The following NLGN4X variants were observed in gnomAD, a reference collection of about 807,000 sequenced individuals.
NLGN4X encodes the protein neuroligin-4, X-linked.
A neutral mutation model predicts 40.3 loss-of-function variants in NLGN4X; 3 were observed. The ratio of observed to expected loss-of-function variants is 0.07; its 90% CI spans 0.03 to 0.19. The LOEUF (loss-of-function observed/expected upper bound fraction) is 0.19, where lower values mean the gene tolerates loss of function less well. Among genes scored for constraint, NLGN4X ranks in the 10% least tolerant of loss-of-function variants. NLGN4X has a pLI of 1.00. For synonymous variants in NLGN4X, 270 were observed against 306.8 expected (o/e 0.88, Z 1.25); for missense variants, 382 against 708.3 (o/e 0.54, Z 5.23).
In NLGN4X at chrX:5,954,634, GTCTCTC is replaced by G. The variant is rs200878268; in HGVS notation, c.626-45401_626-45396del. ...TCTGTCTCTGTCTCTCTCTGTCTCT[GTCTCTC>G]TCTCTCTCTCTCTCTCTCTCTCTCT... is the stretch of plus-strand genomic sequence containing the variant. On this transcript the variant is annotated intron_variant, in intron 3 of 5. Coordinates refer to ENST00000381095, the MANE Select transcript of NLGN4X (RefSeq NM_181332.3). Among the ~76,000 whole-genome samples, 217 of 94,884 alleles carry G rather than the reference GTCTCTC, an allele frequency of 2.3e-3. 2 individuals carry two copies. The highest frequency in any genetic ancestry group is 0.013 in the East Asian group (37 of 2,926). 82.4% of individuals were successfully genotyped at this position (94,884 alleles called of 115,157 possible).
At chrX:6,054,180 T>G (rs1424822000) in intron 2 of NLGN4X, among the ~76,000 whole-genome samples, 1 of 111,195 alleles carries the variant, frequency 9.0e-6, no homozygotes, top group Non-Finnish European at 1.9e-5. Flanking sequence ...ATTGACATAT[T>G]CATTGCAGGA....
chrX:5,986,974 A>G (rs1242604655), intron 3 of NLGN4X, among the ~76,000 whole-genome samples: 1 of 112,282 alleles, frequency 8.9e-6, no homozygotes, highest in Non-Finnish European at 1.9e-5. Flanking sequence ...CCATAATGGT[A>G]TATGTCTCAG....
chrX:5,903,716 T>C lies in NLGN4X; in HGVS notation c.962A>G (p.Lys321Arg), dbSNP rs200094774. ...TTDMVECLRN[K>R]NYKELIQQTI... ...CTGCTGGATGAGCTCCTTGTAGTTC[T>C]TGTTCCGCAGGCATTCTACCATGTC... is the stretch of plus-strand genomic sequence containing the variant. Residue 321 changes from lysine to arginine, a missense_variant, in exon 5 of 6, where the codon AAG becomes AGG. Physicochemically the swap from Lys to Arg is conservative, Grantham distance 26. Transcript: ENST00000381095. The C allele has an allele frequency of 4.8e-5, 58 of 1,209,993 alleles. No individual in the cohort carries two copies. The highest frequency in any genetic ancestry group is 6.5e-5 in the Non-Finnish European group (58 of 895,277).
intron 2 of NLGN4X, among the ~76,000 whole-genome samples, chrX:6,062,924 C>T (rs1287984056): frequency 2.7e-5 from 3 of 110,904 alleles, no homozygotes; most frequent in Non-Finnish European, 5.7e-5. Flanking sequence ...CAGACTAATA[C>T]ACTGCTCTGC....
rs573477589 is a variant in NLGN4X at position 5,980,779 on chromosome X, C to T, written c.625+48501G>A. ...GTTTTACATCTTTATGTCAATAATA[C>T]GCTGTTTCAATTAATATAGCTCTAT... On this transcript the variant is annotated intron_variant, in intron 3 of 5. Coordinates refer to ENST00000381095, the MANE Select transcript of NLGN4X (RefSeq NM_181332.3). Among the ~76,000 whole-genome samples, 8 of 110,670 alleles carry T rather than the reference C, an allele frequency of 7.2e-5. No individual in the cohort carries two copies. In the South Asian group the frequency reaches 1.1e-3, roughly 16 times the overall value.
Position 5,892,997 on chromosome X carries a change from C to G in NLGN4X, c.2271G>C (p.Pro757=). ...QAHDTLRLTC[P]PDYTLTLRRS... ...GGCGCAGCGTGAGGGTGTAGTCTGG[C>G]GGGCAGGTGAGCCTCAGTGTGTCGT... Residue 757 remains proline (P), a synonymous_variant, in exon 6 of 6, where the codon CCG becomes CCC. Transcript: ENST00000381095. 8.3e-7 allele frequency: 1 copy of G among 1,211,242 alleles called. No homozygotes were observed. Among genetic ancestry groups the G allele is most frequent in the Non-Finnish European group, 1.1e-6 (1 of 895,404 alleles).
At chrX:6,068,421 C>T (rs1054919200) in intron 2 of NLGN4X, among the ~76,000 whole-genome samples, 1 of 111,007 alleles carries the variant, frequency 9.0e-6, no homozygotes, top group Admixed American at 9.6e-5. Context: ...CAGAGAAAAG[C>T]TTTCTCAGAA....
intron 3 of NLGN4X, among the ~76,000 whole-genome samples, chrX:6,003,787 C>T (rs1478945327): frequency 1.8e-5 from 2 of 112,330 alleles, no homozygotes; most frequent in African/African-American, 6.5e-5. Flanking sequence ...GCTGTTAACA[C>T]TTACGGTCTC....
intron 2 of NLGN4X, among the ~76,000 whole-genome samples, chrX:6,030,708 G>C (rs930069040): frequency 9.0e-6 from 1 of 111,314 alleles, no homozygotes; most frequent in African/African-American, 3.3e-5. Context: ...TTTATTTGCA[G>C]ATATTTAATC....
chrX:6,152,285 T>C lies in NLGN4X; in HGVS notation c.-305-514A>G, dbSNP rs147179939. ...CTGTACATCCTATCACCATGAACAA[T>C]GCCTGACATTTAGAAAACACTAAAC... On this transcript the variant is annotated intron_variant, in intron 1 of 5. Transcript: ENST00000381095. Among the ~76,000 whole-genome samples, 954 of 111,961 alleles carry C rather than the reference T, an allele frequency of 8.5e-3. 12 individuals are homozygous for C. Among genetic ancestry groups the C allele is most frequent in the African/African-American group, 0.029 (896 of 30,808 alleles).
intron 1 of NLGN4X, among the ~76,000 whole-genome samples, chrX:6,162,438 G>A (rs967448094): frequency 9.0e-6 from 1 of 111,624 alleles, no homozygotes; most frequent in Non-Finnish European, 1.9e-5. Flanking sequence ...CTAATCAGCT[G>A]CCAGCAAATA....
At chrX:6,159,662 A>T (rs2040344754) in intron 1 of NLGN4X, among the ~76,000 whole-genome samples, 2 of 111,866 alleles carry the variant, frequency 1.8e-5, no homozygotes, top group Non-Finnish European at 3.8e-5. Context: ...AGCCCTGGTC[A>T]CTAATTAGCC....
At chrX:6,200,687 C>CTTTTTTTTTTTCTTTTTTTTTT (rs1556005144) in intron 1 of NLGN4X, among the ~76,000 whole-genome samples, 1 of 55,573 alleles carries the variant, frequency 1.8e-5, no homozygotes, top group Non-Finnish European at 3.1e-5. Context: ...CTTTCCTTTT[C>CTTTTTTTTTTTCTTTTTTTTTT]TTTTTTTTTT....
chrX:5,985,431 A>AT (rs898371109), intron 3 of NLGN4X, among the ~76,000 whole-genome samples: 71 of 108,807 alleles, frequency 6.5e-4, no homozygotes, highest in Admixed American at 1.3e-3. Context: ...TGGCTAATTT[A>AT]TTTTTTTTAT....
intron 3 of NLGN4X, among the ~76,000 whole-genome samples, chrX:5,966,450 T>C (rs1035404811): frequency 2.7e-5 from 3 of 112,603 alleles, no homozygotes; most frequent in Non-Finnish European, 3.8e-5. Flanking sequence ...TCACAGGACA[T>C]GAGAATTCAC....
intron 1 of NLGN4X, among the ~76,000 whole-genome samples, chrX:6,197,479 C>G (rs1923214672): frequency 9.8e-6 from 1 of 102,418 alleles, no homozygotes; most frequent in Admixed American, 1.0e-4. Flanking sequence ...CTATGTTGCC[C>G]TGGTTGCTCT....
intron 1 of NLGN4X, among the ~76,000 whole-genome samples, chrX:6,172,424 C>T (rs1000315276): frequency 4.5e-5 from 5 of 111,969 alleles, no homozygotes; most frequent in African/African-American, 1.6e-4. Flanking sequence ...TCTCCATATT[C>T]GTTCCTTTCC....
At position 6,217,255 on chromosome X, in the gene NLGN4X, ACAT is replaced by A. The variant is rs1354308161; in HGVS notation, c.-306+11283_-306+11285del. ...TATATAATTTACATATGTATTTATA[ACAT>A]CAGGATACATGTTGGTCTAGAAAGA... On this transcript the variant is annotated intron_variant, in intron 1 of 5. Transcript: ENST00000381095. Among the ~76,000 whole-genome samples the A allele has an allele frequency of 1.2e-4, 13 of 112,317 alleles. No individual in the cohort carries two copies. In the East Asian group the frequency reaches 3.6e-3, roughly 31 times the overall value.
chrX:5,927,903 G>T (rs1177965497), intron 3 of NLGN4X, among the ~76,000 whole-genome samples: 1 of 112,372 alleles, frequency 8.9e-6, no homozygotes, highest in African/African-American at 3.2e-5. Context: ...CAGCTATACA[G>T]GTTAAAACAC....
Sources: gnomAD v4.1 joint callset for allele counts (sites outside exome capture counted in the v4.1 genomes callset) on GRCh38, gnomAD v4.1.1 for gene constraint, MANE v1.5 for transcripts, NCBI Gene and HGNC (gene_info 2026-07-23, HGNC 2026-07-21) for gene names.